Variants in MYOZ3 observed in about 807,000 individuals in gnomAD.
MYOZ3 encodes myozenin 3, also known as myozenin-3.
In MYOZ3, 19 loss-of-function variants were observed where a neutral mutation model predicts 26.5. The ratio of observed to expected loss-of-function variants is 0.72; its 90% CI spans 0.50 to 1.05. The LOEUF is 1.05. MYOZ3 is among the 50% of genes least tolerant of loss of function. The pLI, the probability that MYOZ3 is intolerant of heterozygous loss-of-function variation, is 0.00. For missense variants in MYOZ3, 322 were observed against 337.1 expected (o/e 0.96, Z 0.35); for synonymous variants, 135 against 138.8 (o/e 0.97, Z 0.19).
Position 150,678,692 on chromosome 5 carries a change from G to C in MYOZ3, c.*1817G>C, listed in dbSNP as rs1759056428. The C allele has an allele frequency of 6.6e-6, 1 of 152,298 alleles. No homozygotes were observed. Among genetic ancestry groups the C allele is most frequent in the African/African-American group, 2.4e-5 (1 of 41,454 alleles). 9.4% of individuals were successfully genotyped at this position (152,298 alleles called of 1,614,324 possible). ...CGAGCCTCTGTTTCTCCAAGTGTAA[G>C]ATGAGGACAAGTATAAAACCTCCTT... is the stretch of plus-strand genomic sequence containing the variant. On this transcript the variant is annotated 3_prime_UTR_variant, in exon 7 of 7. Transcript: ENST00000517768.
chr5:150,674,637 G>T (rs887065198), intron 6 of MYOZ3, among the ~76,000 whole-genome samples: 3 of 152,218 alleles, frequency 2.0e-5, no homozygotes, highest in Admixed American at 1.3e-4. Flanking sequence ...CACCCCAGAG[G>T]CAAGCACTCT....
rs780256152 is a variant in MYOZ3, at chr5:150,671,913, G to A, written c.424+5G>A. The A allele has an allele frequency of 1.3e-6, 2 of 1,528,722 alleles. No individual in the cohort carries two copies. Among genetic ancestry groups the A allele is most frequent in the African/African-American group, 2.8e-5 (2 of 72,590 alleles). 94.7% of individuals were successfully genotyped at this position (1,528,722 alleles called of 1,614,324 possible). On this transcript the variant is annotated splice_donor_5th_base_variant and intron_variant, in intron 5 of 6. Transcript: ENST00000517768. Reference sequence around the variant, plus strand: ...GCCCCAGCGCCCTGGCGCCAGGTGAGTGGCCTCCTCGGGTCCCGGGACCAG... The same window carrying A: ...GCCCCAGCGCCCTGGCGCCAGGTGAATGGCCTCCTCGGGTCCCGGGACCAG...
chr5:150,666,613 CAAAA>C lies in MYOZ3; in HGVS notation c.61+3626_61+3629del, dbSNP rs1225832285. On this transcript the variant is annotated intron_variant, in intron 2 of 6. Coordinates refer to ENST00000517768, the MANE Select transcript of MYOZ3 (RefSeq NM_001122853.3). The stretch of plus-strand genomic sequence containing the variant: ...TGGGCAACAGAGCAAGACTCTGTCT[CAAAA>C]AAAAAAAAAAAAAATATATATATAT... Among the ~76,000 whole-genome samples, 283 of 104,248 alleles carry C rather than the reference CAAAA, an allele frequency of 2.7e-3. 1 individual carries two copies. Among genetic ancestry groups the C allele is most frequent in the East Asian group, 0.013 (46 of 3,468 alleles). The allele number at this position is 104,248 out of a possible 152,430, so 68.4% of individuals were successfully genotyped here. A position where few individuals can be genotyped will look rare whatever the true frequency, so the allele number is the denominator to read the frequency against.
At chr5:150,672,594 C>T in intron 6 of MYOZ3, 92 bp downstream of exon 6, 1 of 1,421,974 alleles carries the variant, frequency 7.0e-7, no homozygotes, top group Non-Finnish European at 9.4e-7. Flanking sequence ...TGAGCACTTT[C>T]TGCAGGCCAG....
chr5:150,670,727 G>A lies in MYOZ3; in HGVS notation c.216+89G>A, dbSNP rs1176567847. On this transcript the variant is annotated intron_variant, in intron 3 of 6. Transcript: ENST00000517768. ...AAAGTCAAACGGTAAGCCAGGCTGA[G>A]GACTGTGATGTTCCCATCAGATTAG... is the stretch of plus-strand genomic sequence containing the variant. 5 of 1,305,736 alleles carry A rather than the reference G, an allele frequency of 3.8e-6. No individual in the cohort carries two copies. The East Asian group carries it at 1.0e-4, about 26-fold the overall frequency. 80.9% of individuals were successfully genotyped at this position (1,305,736 alleles called of 1,614,324 possible). A position where few individuals can be genotyped will look rare whatever the true frequency, so the allele number is the denominator to read the frequency against.
chr5:150,662,674 C>G (rs1239114467), intron 1 of MYOZ3, among the ~76,000 whole-genome samples: 4 of 152,120 alleles, frequency 2.6e-5, no homozygotes, highest in African/African-American at 9.6e-5. Flanking sequence ...GGAAAAGGCC[C>G]TAGAAACCAC....
intron 2 of MYOZ3, among the ~76,000 whole-genome samples, chr5:150,666,163 C>T (rs1758806326): frequency 6.6e-6 from 1 of 151,692 alleles, no homozygotes; most frequent in Non-Finnish European, 1.5e-5. Flanking sequence ...GTAGGCAGTA[C>T]ACTTTCTTGT....
chr5:150,674,595 G>A (rs561818796), intron 6 of MYOZ3, among the ~76,000 whole-genome samples: 2 of 152,326 alleles, frequency 1.3e-5, no homozygotes, highest in South Asian at 4.1e-4. Flanking sequence ...TTCCTGGCTG[G>A]GACTCAGGCC....
intron 2 of MYOZ3, among the ~76,000 whole-genome samples, chr5:150,664,173 G>A (rs187077832): frequency 4.6e-5 from 7 of 152,270 alleles, no homozygotes; most frequent in Admixed American, 3.9e-4. Flanking sequence ...AGCGTGCTAA[G>A]GAGTCAGTCA....
chr5:150,672,075 GC>G, intron 5 of MYOZ3, 167 bp downstream of exon 5: 1 of 1,180,052 alleles, frequency 8.5e-7, no homozygotes, highest in Non-Finnish European at 1.2e-6. Flanking sequence ...GGGGCGCCGC[GC>G]CCCAGGTCAC....
In MYOZ3 at chr5:150,664,760, C is replaced by T. The variant is rs1758782770; in HGVS notation, c.61+1758C>T. ...GGTCTCTTTGTCTTCAGAGCTGTTT[C>T]TTTATTACATGGTTACAATGATAAT... On this transcript the variant is annotated intron_variant, in intron 2 of 6. Transcript: ENST00000517768. 2.0e-5 allele frequency among the ~76,000 whole-genome samples: 3 copies of T among 152,048 alleles called. No individual in the cohort carries two copies. In the South Asian group the frequency reaches 6.2e-4, roughly 32 times the overall value.
rs564432984 is a variant in MYOZ3, at chr5:150,674,616, G to A, written c.588-2091G>A. Among the ~76,000 whole-genome samples, 290 of 152,334 alleles carry A rather than the reference G, an allele frequency of 1.9e-3. 13 individuals are homozygous for A. The South Asian group carries it at 0.058, about 30-fold the overall frequency. ...GCTGGGACTCAGGCCCTGGCTCAAG[G>A]TTTGTCTTTCCACCCCAGAGGCAAG... is the stretch of plus-strand genomic sequence containing the variant. On this transcript the variant is annotated intron_variant, in intron 6 of 6. Coordinates refer to ENST00000517768, the MANE Select transcript of MYOZ3 (RefSeq NM_001122853.3).
chr5:150,668,868 T>G (rs968631928), intron 2 of MYOZ3, among the ~76,000 whole-genome samples: 1 of 152,200 alleles, frequency 6.6e-6, no homozygotes, highest in African/African-American at 2.4e-5. Flanking sequence ...AGAAAAGAAA[T>G]AAATGTAACG....
chr5:150,672,061 C>A (rs1209973627), intron 5 of MYOZ3, 153 bp downstream of exon 5: 1 of 1,247,218 alleles, frequency 8.0e-7, no homozygotes, highest in Non-Finnish European at 1.1e-6. Flanking sequence ...GACCACGAGC[C>A]GGAGGGGCGC....
chr5:150,668,130 C>G (rs956161980), intron 2 of MYOZ3, among the ~76,000 whole-genome samples: 6 of 152,138 alleles, frequency 3.9e-5, no homozygotes, highest in African/African-American at 1.4e-4. Context: ...TTTGAAAAAC[C>G]AGGCCAGTTG....
Position 150,664,618 on chromosome 5 carries a change from C to T in MYOZ3, c.61+1616C>T, listed in dbSNP as rs550816722. On this transcript the variant is annotated intron_variant, in intron 2 of 6. Coordinates refer to ENST00000517768, the MANE Select transcript of MYOZ3 (RefSeq NM_001122853.3). ...GTATCCTTTATGCTTTGTGTCATTT[C>T]ATCCCCACCACAACTCCCTAAGTTA... Among the ~76,000 whole-genome samples, 7 of 152,284 alleles carry T rather than the reference C, an allele frequency of 4.6e-5. No homozygotes were observed. In the East Asian group the frequency reaches 1.4e-3, roughly 29 times the overall value.
Position 150,675,226 on chromosome 5 carries a change from T to TTGTGTGCGTGTGTG in MYOZ3, c.588-1475_588-1474insCGTGTGTGTGTGTG, listed in dbSNP as rs765864243. Reference sequence around the variant, plus strand: ...TGCATGCCTGTAGGGGGAATGGCGTTTGTGTGTGTGTGGGGGTGTGTGTGT... The same window carrying TTGTGTGCGTGTGTG: ...TGCATGCCTGTAGGGGGAATGGCGTTTGTGTGCGTGTGTGTGTGTGTGTGTGGGGGTGTGTGTGT... On this transcript the variant is annotated intron_variant, in intron 6 of 6. Coordinates refer to ENST00000517768, the MANE Select transcript of MYOZ3 (RefSeq NM_001122853.3). 3.7e-3 allele frequency among the ~76,000 whole-genome samples: 565 copies of TTGTGTGCGTGTGTG among 151,478 alleles called. 16 individuals are homozygous for TTGTGTGCGTGTGTG. In the East Asian group the frequency reaches 0.08, roughly 22 times the overall value.
At position 150,671,768 on chromosome 5, in the gene MYOZ3, A is replaced by G. The variant is rs750211006; in HGVS notation, c.284A>G (p.Asn95Ser). ...TAESGTVANA[N>S]GPEGPNYRSE... ...CCCTGTGCCCAGGTTGCCAATGCCAATGGCCCTGAGGGGCCGAACTACCGC... is the reference window on the plus strand; with the variant it reads ...CCCTGTGCCCAGGTTGCCAATGCCAGTGGCCCTGAGGGGCCGAACTACCGC... The change falls in exon 5 of 7, where the codon AAT becomes AGT. Residue 95 changes from asparagine to serine, a missense_variant. Transcript: ENST00000517768. The G allele has an allele frequency of 6.2e-7, 1 of 1,613,282 alleles. No individual in the cohort carries two copies. Among genetic ancestry groups the G allele is most frequent in the African/African-American group, 1.3e-5 (1 of 75,020 alleles).
intron 2 of MYOZ3, among the ~76,000 whole-genome samples, chr5:150,669,440 A>C (rs1019322556): frequency 6.6e-6 from 1 of 151,870 alleles, no homozygotes; most frequent in Admixed American, 6.6e-5. Flanking sequence ...TCTCAAAAAA[A>C]AAAAAATTAC....
Sources: allele counts gnomAD v4.1 joint callset (sites outside exome capture counted in the v4.1 genomes callset), GRCh38; gene constraint gnomAD v4.1.1; transcripts MANE v1.5; gene names NCBI Gene and HGNC (gene_info 2026-07-23, HGNC 2026-07-21).